Variants in PDE8A observed in about 807,000 individuals in gnomAD.
PDE8A encodes the protein high affinity cAMP-specific and IBMX-insensitive 3',5'-cyclic phosphodiesterase 8A.
PDE8A carries 59 observed loss-of-function variants against 105.0 expected under a neutral mutation model. The observed-to-expected ratio is 0.56, with a 90% CI of 0.46 to 0.70. The LOEUF (loss-of-function observed/expected upper bound fraction) is 0.70, where lower values mean the gene tolerates loss of function less well. Among genes scored for constraint, PDE8A ranks in the 30% least tolerant of loss-of-function variants. The pLI is 0.00. For missense variants in PDE8A, 1,014 were observed against 1,045.9 expected (o/e 0.97, Z 0.42); for synonymous variants, 355 against 371.9 (o/e 0.95, Z 0.52).
intron 1 of PDE8A, among the ~76,000 whole-genome samples, chr15:85,051,441 C>A (rs2080970832): frequency 6.6e-6 from 1 of 152,024 alleles, no homozygotes; most frequent in Non-Finnish European, 1.5e-5. Flanking sequence ...TCATACATGG[C>A]TTTTTAAAAA....
intron 8 of PDE8A, among the ~76,000 whole-genome samples, chr15:85,096,228 C>T (rs905600): frequency 0.19 from 28,463 of 151,736 alleles, 3,103 homozygotes; most frequent in East Asian, 0.38. Flanking sequence ...TAATTTTTTT[C>T]TCTCTCTTTT....
intron 18 of PDE8A, among the ~76,000 whole-genome samples, chr15:85,121,741 G>A (rs919963196): frequency 3.9e-5 from 6 of 151,982 alleles, no homozygotes; most frequent in Non-Finnish European, 7.4e-5. Context: ...TTACCCCTTC[G>A]ATAGAACCTC....
At chr15:85,029,521 C>G (rs917859503) in intron 1 of PDE8A, among the ~76,000 whole-genome samples, 4 of 151,578 alleles carry the variant, frequency 2.6e-5, no homozygotes, top group African/African-American at 9.7e-5. Context: ...CTTATTACCT[C>G]TCTTATGTTT....
intron 2 of PDE8A, among the ~76,000 whole-genome samples, chr15:85,064,865 G>A (rs2081197642): frequency 4.6e-5 from 7 of 152,038 alleles, no homozygotes; most frequent in Admixed American, 4.6e-4. Context: ...CCAGCTACTT[G>A]GAAGGCTGAG....
chr15:85,067,932 C>T (rs915896961), intron 3 of PDE8A, among the ~76,000 whole-genome samples: 3 of 152,152 alleles, frequency 2.0e-5, no homozygotes, highest in Non-Finnish European at 4.4e-5. Context: ...CATGACTTGC[C>T]TCCAGTAGTT....
intron 1 of PDE8A, among the ~76,000 whole-genome samples, chr15:85,008,424 C>T (rs966435706): frequency 2.6e-5 from 4 of 152,068 alleles, no homozygotes; most frequent in African/African-American, 9.7e-5. Flanking sequence ...TTCCCCTCAC[C>T]AGACCCTTCC....
chr15:85,115,659 C>T lies in PDE8A; in HGVS notation c.1399+172C>T, dbSNP rs1336985368. The T allele has an allele frequency of 1.1e-5, 6 of 556,978 alleles. No homozygotes were observed. The South Asian group carries it at 1.5e-4, about 14-fold the overall frequency. 34.5% of individuals were successfully genotyped at this position (556,978 alleles called of 1,614,324 possible). A position where few individuals can be genotyped will look rare whatever the true frequency, so the allele number is the denominator to read the frequency against. The stretch of plus-strand genomic sequence containing the variant: ...CTGTCCTCCCTAAGAAACAGTTAAT[C>T]CTGGCCGGGAGCGGTGGCTCACACC... On this transcript the variant is annotated intron_variant, in intron 15 of 21. Transcript: ENST00000394553.
intron 1 of PDE8A, among the ~76,000 whole-genome samples, chr15:85,052,074 T>G (rs1262541656): frequency 6.6e-6 from 1 of 151,976 alleles, no homozygotes; most frequent in Non-Finnish European, 1.5e-5. Flanking sequence ...CATGCAGTGT[T>G]TGGTTTTCTG....
At chr15:85,135,497 T>TC (rs1394805153) in intron 20 of PDE8A, among the ~76,000 whole-genome samples, 1 of 151,662 alleles carries the variant, frequency 6.6e-6, no homozygotes, top group East Asian at 1.9e-4. Flanking sequence ...GAAGAGCTGC[T>TC]CCCCCCAGCC....
intron 1 of PDE8A, among the ~76,000 whole-genome samples, chr15:85,004,785 A>G (rs1490153527): frequency 6.6e-6 from 1 of 151,180 alleles, no homozygotes; most frequent in African/African-American, 2.4e-5. Flanking sequence ...GAATGGATGT[A>G]TCTTAGTTTC....
intron 8 of PDE8A, among the ~76,000 whole-genome samples, chr15:85,096,402 C>A (rs1045284985): frequency 1.3e-5 from 2 of 152,094 alleles, no homozygotes; most frequent in African/African-American, 4.8e-5. Flanking sequence ...GAGGCTGCAA[C>A]AAGCCATGGT....
chr15:85,131,697 C>T (rs1394129117), intron 20 of PDE8A, among the ~76,000 whole-genome samples: 3 of 152,134 alleles, frequency 2.0e-5, no homozygotes, highest in Non-Finnish European at 4.4e-5. Flanking sequence ...TTACCATTAT[C>T]AGAGATCTTT....
chr15:85,026,812 A>G (rs2080525557), intron 1 of PDE8A, among the ~76,000 whole-genome samples: 1 of 152,206 alleles, frequency 6.6e-6, no homozygotes, highest in Admixed American at 6.5e-5. Flanking sequence ...AAAAAATAAA[A>G]CAAGTTAGAA....
chr15:85,057,298 C>T (rs990672906), intron 1 of PDE8A, among the ~76,000 whole-genome samples: 1 of 152,192 alleles, frequency 6.6e-6, no homozygotes. Flanking sequence ...TCTCAGATCT[C>T]GAACTCCGTG....
At chr15:85,134,854 C>T (rs2082382283) in intron 20 of PDE8A, among the ~76,000 whole-genome samples, 1 of 152,170 alleles carries the variant, frequency 6.6e-6, no homozygotes, top group Non-Finnish European at 1.5e-5. Context: ...CTCTGGGTGT[C>T]ACTCTGGGAG....
intron 19 of PDE8A, among the ~76,000 whole-genome samples, chr15:85,124,609 A>G (rs1015366674): frequency 6.6e-6 from 1 of 152,150 alleles, no homozygotes; most frequent in Admixed American, 6.5e-5. Flanking sequence ...ATATTACCCC[A>G]TGACACTTAC....
At chr15:85,091,281 C>A in intron 8 of PDE8A, 100 bp downstream of exon 8, 3 of 1,042,290 alleles carry the variant, frequency 2.9e-6, no homozygotes, top group Non-Finnish European at 2.7e-6. Flanking sequence ...TCTTACTCCT[C>A]CCAGCAGCCC....
chr15:85,110,411 A>T (rs2082004302), intron 12 of PDE8A, among the ~76,000 whole-genome samples: 1 of 152,214 alleles, frequency 6.6e-6, no homozygotes, highest in African/African-American at 2.4e-5. Flanking sequence ...CTGTATGCTC[A>T]TGTAGTCACC....
intron 1 of PDE8A, chr15:85,063,276 T>C (rs956471043): frequency 6.6e-6 from 1 of 152,112 alleles, no homozygotes; most frequent in Non-Finnish European, 1.5e-5. Flanking sequence ...AGGGGAGAGA[T>C]TGGAGGAGGG....
Sources: allele counts gnomAD v4.1 joint callset (sites outside exome capture counted in the v4.1 genomes callset), GRCh38; gene constraint gnomAD v4.1.1; transcripts MANE v1.5; gene names NCBI Gene and HGNC (gene_info 2026-07-23, HGNC 2026-07-21).